The following TROAP variants were observed in gnomAD, a reference collection of about 807,000 sequenced individuals.
TROAP encodes trophinin associated protein.
In TROAP, 62 loss-of-function variants were observed where a neutral mutation model predicts 83.4. The observed-to-expected ratio is 0.74, with a 90% CI of 0.61 to 0.92. The LOEUF (loss-of-function observed/expected upper bound fraction) is 0.92. Ranked by LOEUF, TROAP falls within the 40% of genes least tolerant of loss-of-function variation. The pLI is 0.00. For missense variants in TROAP, 876 were observed against 985.1 expected (o/e 0.89, Z 1.48); for synonymous variants, 352 against 386.4 (o/e 0.91, Z 1.04).
chr12:49,331,341 T>C lies in TROAP; in HGVS notation c.2226T>C (p.Pro742=). Residue 742 remains proline (P), a synonymous_variant, in exon 14 of 15, where the codon CCT becomes CCC. Coordinates refer to ENST00000257909, the MANE Select transcript of TROAP (RefSeq NM_005480.4). ...GTGCCTTTTACACCAGCCGAGCCCCTCCCTCAGGCCCCACCCGGGTCTGCA... is the reference window on the plus strand; with the variant it reads ...GTGCCTTTTACACCAGCCGAGCCCCCCCCTCAGGCCCCACCCGGGTCTGCA... The part of the protein sequence containing the change: ...DECAFYTSRA[P]PSGPTRVCTN... The C allele has an allele frequency of 1.2e-6, 2 of 1,614,078 alleles. No individual in the cohort carries two copies. Among genetic ancestry groups the C allele is most frequent in the South Asian group, 1.1e-5 (1 of 91,072 alleles).
rs777919089 is a variant in TROAP, at chr12:49,329,469, C to T, written c.1164+15C>T. On this transcript the variant is annotated intron_variant, in intron 11 of 14. Transcript: ENST00000257909. This position sits in a 1 kb window ranked among gnomAD's most constrained non-coding sequence, Gnocchi z 4.5. Reference sequence around the variant, plus strand: ...CCCTGCCCTGGGTAAGTATCAGAAGCTTCCCCCTACTGAGATCCCTTGCCC... The same window carrying T: ...CCCTGCCCTGGGTAAGTATCAGAAGTTTCCCCCTACTGAGATCCCTTGCCC... 1 of 1,600,504 alleles carries T rather than the reference C, an allele frequency of 6.2e-7. No homozygotes were observed. The highest frequency in any genetic ancestry group is 1.1e-5 in the South Asian group (1 of 88,470).
intron 7 of TROAP, 30 bp from the exon 8 acceptor site, chr12:49,327,179 G>C (rs1408205140): frequency 6.2e-7 from 1 of 1,613,164 alleles, no homozygotes; most frequent in African/African-American, 1.3e-5. Flanking sequence ...GTGTTCTAGA[G>C]TCTACAACAA....
chr12:49,324,161 T>TC (rs1163124157), intron 3 of TROAP, 124 bp downstream of exon 3: 1 of 1,614,104 alleles, frequency 6.2e-7, no homozygotes, highest in Non-Finnish European at 8.5e-7. Context: ...ATAGTCCTGG[T>TC]CCCAGCTCCT....
rs760953795 is a variant in TROAP, at chr12:49,331,309, G to A, written c.2194G>A (p.Asp732Asn). 39 of 1,614,096 alleles carry A rather than the reference G, an allele frequency of 2.4e-5. No individual in the cohort carries two copies. The highest frequency in any genetic ancestry group is 6.7e-5 in the Admixed American group (4 of 60,002). Reference sequence around the variant, plus strand: ...CTGCTTCCACGAGGCTCGTCTGGACGATGAGTGTGCCTTTTACACCAGCCG... The same window carrying A: ...CTGCTTCCACGAGGCTCGTCTGGACAATGAGTGTGCCTTTTACACCAGCCG... ...IHCFHEARLD[D>N]ECAFYTSRAP... The change falls in exon 14 of 15, where the codon GAT (aspartate) becomes AAT (asparagine). Residue 732 changes from aspartate to asparagine, a missense_variant. Asp to Asn is a conservative substitution (Grantham distance 23, BLOSUM62 1). This residue lies in a region of TROAP where 184 missense variants were observed against 238.3 expected (regional missense o/e 0.77). Coordinates refer to ENST00000257909, the MANE Select transcript of TROAP (RefSeq NM_005480.4).
intron 8 of TROAP, among the ~76,000 whole-genome samples, chr12:49,327,860 T>C (rs1347211851): frequency 2.0e-5 from 3 of 152,084 alleles, no homozygotes; most frequent in African/African-American, 7.2e-5. Context: ...CAATTTAAAA[T>C]AGATTTGTCA....
chr12:49,324,927 T>C (rs1329280607), intron 3 of TROAP, among the ~76,000 whole-genome samples: 2 of 147,644 alleles, frequency 1.4e-5, no homozygotes, highest in Non-Finnish European at 3.0e-5. Flanking sequence ...TTTTTTTTTT[T>C]TTGAGACAGA....
rs1460480712 is a variant in TROAP, at chr12:49,325,815, C to T, written c.564C>T (p.Ser188=). Residue 188 remains serine (S), a synonymous_variant, in exon 5 of 15, where the codon TCC becomes TCT. Transcript: ENST00000257909. The part of the protein sequence containing the change: ...PTHRLDPARA[S]CFSRLEGPGP... ...ACCGACTGGACCCTGCCAGGGCTTCCTGCTTCTCTAGGCTGGAGGGACCAG... is the reference window on the plus strand; with the variant it reads ...ACCGACTGGACCCTGCCAGGGCTTCTTGCTTCTCTAGGCTGGAGGGACCAG... 1.2e-6 allele frequency: 2 copies of T among 1,614,014 alleles called. No individual in the cohort carries two copies. Among genetic ancestry groups the T allele is most frequent in the African/African-American group, 2.7e-5 (2 of 74,922 alleles).
chr12:49,331,366 A>G lies in TROAP; in HGVS notation c.2251A>G (p.Thr751Ala), dbSNP rs1333673069. 4 of 1,613,954 alleles carry G rather than the reference A, an allele frequency of 2.5e-6. No homozygotes were observed. The highest frequency in any genetic ancestry group is 3.4e-6 in the Non-Finnish European group (4 of 1,180,000). ...TCCCTCAGGCCCCACCCGGGTCTGC[A>G]CCAACCCTGTGGCTACATTACTCGA... ...APPSGPTRVC[T>A]NPVATLLEWQ... Residue 751 changes from threonine (T) to alanine (A), a missense_variant, in exon 14 of 15, where the codon ACC (threonine) becomes GCC (alanine). By Grantham distance (58) the Thr-to-Ala change is moderately conservative (BLOSUM62 0). Around this residue, in one of 3 missense-constraint regions of TROAP, gnomAD observed 184 missense variants for 238.3 expected, o/e 0.77. Coordinates refer to ENST00000257909, the MANE Select transcript of TROAP (RefSeq NM_005480.4).
At chr12:49,324,808 G>C (rs139260948) in intron 3 of TROAP, among the ~76,000 whole-genome samples, 2,513 of 149,278 alleles carry the variant, frequency 0.017, 26 homozygotes, top group East Asian at 0.027. Flanking sequence ...TCGGCTCACT[G>C]CAACATCCAC....
intron 2 of TROAP, 40 bp downstream of exon 2, chr12:49,323,792 G>A (rs1943443445): frequency 6.2e-7 from 1 of 1,614,010 alleles, no homozygotes; most frequent in Non-Finnish European, 8.5e-7. Context: ...AGTCACACCA[G>A]TAATGCACCC....
chr12:49,330,229 T>A lies in TROAP; in HGVS notation c.1384T>A (p.Ser462Thr). Residue 462 changes from serine (S) to threonine (T), a missense_variant, in exon 13 of 15, where the codon TCT becomes ACT. Physicochemically the swap from Ser to Thr is moderately conservative, Grantham distance 58 (BLOSUM62 1). Around this residue, in one of 3 missense-constraint regions of TROAP, gnomAD observed 689 missense variants for 722.6 expected, o/e 0.95. Coordinates refer to ENST00000257909, the MANE Select transcript of TROAP (RefSeq NM_005480.4). ...GQCVPLNGGS[S>T]LDMVELQPLL... ...GTGTGTCCCTCTTAATGGAGGCTCT[T>A]CTCTGGATATGGTTGAACTTCAGCC... 2 of 1,614,140 alleles carry A rather than the reference T, an allele frequency of 1.2e-6. No individual in the cohort carries two copies. The highest frequency in any genetic ancestry group is 1.7e-6 in the Non-Finnish European group (2 of 1,179,998).
chr12:49,327,476 G>A (rs572774390), intron 8 of TROAP, 146 bp downstream of exon 8: 5 of 1,090,894 alleles, frequency 4.6e-6, no homozygotes, highest in Admixed American at 2.5e-5. Context: ...TACCCCAGAT[G>A]CACCCAGTCC....
intron 12 of TROAP, 56 bp from the exon 13 acceptor site, chr12:49,330,089 G>A: frequency 6.2e-7 from 1 of 1,605,786 alleles, no homozygotes; most frequent in Non-Finnish European, 8.5e-7. Flanking sequence ...GACAGTGTGG[G>A]TAGACTACTG....
At chr12:49,324,197 C>T (rs1270304315) in intron 3 of TROAP, 160 bp downstream of exon 3, 1 of 1,614,164 alleles carries the variant, frequency 6.2e-7, no homozygotes, top group Admixed American at 1.7e-5. Context: ...CTTAGAAGAT[C>T]TCCCTTTCCT....
intron 8 of TROAP, 41 bp from the exon 9 acceptor site, chr12:49,328,886 A>AG: frequency 6.6e-7 from 1 of 1,504,180 alleles, no homozygotes; most frequent in Non-Finnish European, 8.9e-7. Context: ...AGGAAGACAA[A>AG]GGGGGCGGGG....
At chr12:49,331,017 C>T (rs1169100791) in intron 13 of TROAP, 74 bp downstream of exon 13, 2 of 1,583,126 alleles carry the variant, frequency 1.3e-6, no homozygotes, top group Non-Finnish European at 1.7e-6. Context: ...CCTGCCCTGC[C>T]CCTACCCCAG....
intron 1 of TROAP, 42 bp from the exon 2 acceptor site, chr12:49,323,562 G>C: frequency 6.3e-7 from 1 of 1,599,976 alleles, no homozygotes; most frequent in South Asian, 1.1e-5. Context: ...GTTGATCTTT[G>C]ATCTTAGATT....
Position 49,323,768 on chromosome 12 carries a change from T to C in TROAP, c.144+16T>C. On this transcript the variant is annotated intron_variant, in intron 2 of 14. Coordinates refer to ENST00000257909, the MANE Select transcript of TROAP (RefSeq NM_005480.4). Reference sequence around the variant, plus strand: ...AGATCCAAGGGTAAGAGGGGCCTAATGGGGGAAGACAGTAGTCACACCAGT... The same window carrying C: ...AGATCCAAGGGTAAGAGGGGCCTAACGGGGGAAGACAGTAGTCACACCAGT... 1 of 1,614,076 alleles carries C rather than the reference T, an allele frequency of 6.2e-7. No homozygotes were observed. Among genetic ancestry groups the C allele is most frequent in the South Asian group, 1.1e-5 (1 of 91,084 alleles).
intron 8 of TROAP, among the ~76,000 whole-genome samples, chr12:49,327,787 A>AAATAAT (rs751584977): frequency 6.6e-6 from 1 of 151,666 alleles, no homozygotes; most frequent in South Asian, 2.1e-4. Flanking sequence ...GTTCTCTCTA[A>AAATAAT]AATAATAATA....
Sources: gnomAD v4.1 joint callset for allele counts (sites outside exome capture counted in the v4.1 genomes callset) on GRCh38, gnomAD v4.1.1 for gene constraint, gnomAD v4.1.1 regional missense constraint, Gnocchi (gnomAD v3.1) non-coding constraint, MANE v1.5 for transcripts, NCBI Gene and HGNC (gene_info 2026-07-23, HGNC 2026-07-21) for gene names.